SYNRG: variants seen among roughly 807,000 people sequenced by gnomAD.
The protein encoded by SYNRG is synergin gamma.
In SYNRG, 37 loss-of-function variants were observed where a neutral mutation model predicts 130.9. The ratio of observed to expected loss-of-function variants is 0.28; its 90% CI spans 0.22 to 0.37. The LOEUF is 0.37. Ranked by LOEUF, SYNRG falls within the 10% of genes least tolerant of loss-of-function variation. SYNRG has a pLI of 1.00. For missense variants in SYNRG, 1,338 were observed against 1,588.9 expected, an observed-to-expected ratio of 0.84 and a Z score of 2.68; for synonymous variants, 539 against 568.1, an observed-to-expected ratio of 0.95 and a Z score of 0.73.
intron 13 of SYNRG, among the ~76,000 whole-genome samples, chr17:37,554,483 C>G (rs541705209): frequency 3.3e-5 from 5 of 152,182 alleles, no homozygotes; most frequent in Admixed American, 2.6e-4. Context: ...ACATGTTACC[C>G]ATTAAAAAAA....
intron 1 of SYNRG, among the ~76,000 whole-genome samples, chr17:37,606,208 C>G (rs573893327): frequency 2.6e-5 from 4 of 152,312 alleles, no homozygotes; most frequent in Admixed American, 2.6e-4. Context: ...TACATCGTTT[C>G]CTTAGTGTTG....
At chr17:37,593,700 C>T (rs1390554442) in intron 3 of SYNRG, among the ~76,000 whole-genome samples, 1 of 152,110 alleles carries the variant, frequency 6.6e-6, no homozygotes, top group Non-Finnish European at 1.5e-5. Context: ...GCCTGGTCAA[C>T]ATGGCGAAAC....
Position 37,538,410 on chromosome 17 carries a change from T to C in SYNRG, c.3431A>G (p.Lys1144Arg), listed in dbSNP as rs2057406216. Residue 1144 changes from lysine to arginine, a missense_variant, in exon 18 of 22, where the codon AAG becomes AGG. This residue lies in a region of SYNRG where 1,146 missense variants were observed against 1,342.3 expected (regional missense o/e 0.85). Coordinates refer to ENST00000612223, the MANE Select transcript of SYNRG (RefSeq NM_007247.6). ...GATTCCATTTAAGGTATCATTTGCC[T>C]TCTTAATGACCTACAAGAAATGAAA... ...CLGSALNVIK[K>R]ANDTLNGISS... 4 of 1,606,716 alleles carry C rather than the reference T, an allele frequency of 2.5e-6. No individual in the cohort carries two copies. In the African/African-American group the frequency reaches 4.0e-5, roughly 16 times the overall value.
At chr17:37,606,432 G>C (rs1440205221) in intron 1 of SYNRG, among the ~76,000 whole-genome samples, 1 of 152,192 alleles carries the variant, frequency 6.6e-6, no homozygotes, top group Non-Finnish European at 1.5e-5. Flanking sequence ...GGAAAAAATA[G>C]ACAAGTTCAC....
chr17:37,538,125 G>A (rs1312777443), intron 18 of SYNRG, among the ~76,000 whole-genome samples, 199 bp downstream of exon 18: 1 of 152,230 alleles, frequency 6.6e-6, no homozygotes, highest in African/African-American at 2.4e-5. Flanking sequence ...TAACAAGGAT[G>A]AGGAAACTTA....
intron 7 of SYNRG, among the ~76,000 whole-genome samples, chr17:37,576,740 A>C (rs950380759): frequency 2.5e-4 from 38 of 152,240 alleles, no homozygotes; most frequent in Non-Finnish European, 5.0e-4. Flanking sequence ...TGATAGTTTA[A>C]AATTATGTAT....
chr17:37,532,142 T>C (rs755435990), intron 19 of SYNRG, among the ~76,000 whole-genome samples: 10 of 152,248 alleles, frequency 6.6e-5, no homozygotes, highest in Non-Finnish European at 1.2e-4. Flanking sequence ...TCATTCAACG[T>C]TTACTGAGTG....
chr17:37,595,780 A>C (rs1033832663), intron 3 of SYNRG, among the ~76,000 whole-genome samples: 1 of 132,292 alleles, frequency 7.6e-6, no homozygotes, highest in African/African-American at 3.0e-5. Context: ...TTGAGACGGG[A>C]GTCTCACTTT....
At position 37,542,151 on chromosome 17, in the gene SYNRG, G is replaced by A. The variant is rs772660477; in HGVS notation, c.3023C>T (p.Ala1008Val). The A allele has an allele frequency of 3.1e-6, 5 of 1,614,194 alleles. No homozygotes were observed. The highest frequency in any genetic ancestry group is 2.2e-5 in the East Asian group (1 of 44,880). The stretch of plus-strand genomic sequence containing the variant: ...GGTTTCTTGAGAGGCACCACTGGAC[G>A]CTGGGCTGGGACACGTGGCCTCCTG... Reference protein sequence around the residue: ...RSQEATCPSPASSGASQETPN... With the variant: ...RSQEATCPSPVSSGASQETPN... The change falls in exon 15 of 22, where the codon GCG (alanine) becomes GTG (valine). Residue 1008 changes from alanine (A) to valine (V), a missense_variant. Ala to Val is a moderately conservative substitution (Grantham distance 64). This residue lies in a region of SYNRG where 1,146 missense variants were observed against 1,342.3 expected (regional missense o/e 0.85). Coordinates refer to ENST00000612223, the MANE Select transcript of SYNRG (RefSeq NM_007247.6).
At chr17:37,574,205 T>C (rs1157560802) in intron 8 of SYNRG, among the ~76,000 whole-genome samples, 2 of 152,128 alleles carry the variant, frequency 1.3e-5, no homozygotes, top group Non-Finnish European at 2.9e-5. Context: ...GATCTCCATA[T>C]GCAGAAGAAT....
chr17:37,577,695 C>CTTTTTTTTTTT (rs34008016), intron 6 of SYNRG, 82 bp from the exon 7 acceptor site: 2 of 514,040 alleles, frequency 3.9e-6, no homozygotes, highest in African/African-American at 5.6e-5. Context: ...CCCCCATATT[C>CTTTTTTTTTTT]TTTTTTTTTT....
intron 3 of SYNRG, among the ~76,000 whole-genome samples, chr17:37,588,377 C>G (rs1246873981): frequency 6.6e-6 from 1 of 151,694 alleles, no homozygotes. Context: ...ATTCTCCCAC[C>G]TCAGCCTCCC....
intron 1 of SYNRG, among the ~76,000 whole-genome samples, chr17:37,601,225 G>C (rs935126322): frequency 6.6e-6 from 1 of 151,764 alleles, no homozygotes; most frequent in Non-Finnish European, 1.5e-5. Flanking sequence ...CCGCCACCAC[G>C]ACTGGCTAAT....
At chr17:37,597,486 C>T (rs1326549858) in intron 2 of SYNRG, among the ~76,000 whole-genome samples, 1 of 152,212 alleles carries the variant, frequency 6.6e-6, no homozygotes, top group East Asian at 1.9e-4. Context: ...TATTTTGGAA[C>T]CTTGGGCAAT....
intron 14 of SYNRG, 41 bp from the exon 15 acceptor site, chr17:37,542,606 T>A: frequency 6.5e-7 from 1 of 1,532,004 alleles, no homozygotes; most frequent in Non-Finnish European, 8.9e-7. Flanking sequence ...GGCAAGCAAT[T>A]TAGGCAAAAT....
At chr17:37,596,949 T>C (rs2062829026) in intron 2 of SYNRG, among the ~76,000 whole-genome samples, 1 of 152,124 alleles carries the variant, frequency 6.6e-6, no homozygotes. Context: ...GGTTTCGCCA[T>C]CTTGGCCAGG....
Position 37,561,811 on chromosome 17 carries a change from A to G in SYNRG, c.1482-222T>C, listed in dbSNP as rs1368642037. Among the ~76,000 whole-genome samples, 9 of 151,452 alleles carry G rather than the reference A, an allele frequency of 5.9e-5. 1 individual carries two copies. The highest frequency in any genetic ancestry group is 2.2e-4 in the African/African-American group (9 of 41,252). ...AACAAAAAACATTACCCAAACAATC[A>G]TTTTTTTCTTGATTAAATGAAGAGG... On this transcript the variant is annotated intron_variant, in intron 11 of 21. Coordinates refer to ENST00000612223, the MANE Select transcript of SYNRG (RefSeq NM_007247.6).
chr17:37,583,757 T>A (rs2061499395), intron 6 of SYNRG, among the ~76,000 whole-genome samples: 2 of 152,296 alleles, frequency 1.3e-5, no homozygotes, highest in South Asian at 4.1e-4. Context: ...GGCAGTGGCA[T>A]GATCTCGGCT....
intron 1 of SYNRG, among the ~76,000 whole-genome samples, chr17:37,604,111 G>T (rs939867131): frequency 6.6e-6 from 1 of 151,912 alleles, no homozygotes; most frequent in Non-Finnish European, 1.5e-5. Context: ...GTGGTGGTGC[G>T]TGCCTGTAAT....
Sources: gnomAD v4.1 joint callset for allele counts (sites outside exome capture counted in the v4.1 genomes callset) on GRCh38, gnomAD v4.1.1 for gene constraint, gnomAD v4.1.1 regional missense constraint, MANE v1.5 for transcripts, NCBI Gene and HGNC (gene_info 2026-07-23, HGNC 2026-07-21) for gene names.